RIN2: variants seen among roughly 807,000 people sequenced by gnomAD.
RIN2 encodes RAB5 interacting protein 2.
RIN2 carries 36 observed loss-of-function variants against 78.0 expected under a neutral mutation model. That is an observed-to-expected ratio of 0.46 (90% CI 0.35 to 0.61). The LOEUF is 0.61. RIN2 is among the 20% of genes least tolerant of loss of function. The pLI, the probability that RIN2 is intolerant of heterozygous loss-of-function variation, is 0.00. For synonymous variants in RIN2, 466 were observed against 466.8 expected, an observed-to-expected ratio of 1.00 and a Z score of 0.02; for missense variants, 1,087 against 1,159.7, an observed-to-expected ratio of 0.94 and a Z score of 0.91.
intron 2 of RIN2, among the ~76,000 whole-genome samples, chr20:19,811,032 C>T (rs763439100): frequency 3.9e-5 from 5 of 128,826 alleles, no homozygotes; most frequent in African/African-American, 1.6e-4. Context: ...TTTCAAATAA[C>T]GATTGTTTAA....
chr20:19,821,590 G>T (rs1328041448), intron 2 of RIN2, among the ~76,000 whole-genome samples: 2 of 152,040 alleles, frequency 1.3e-5, no homozygotes, highest in African/African-American at 4.8e-5. Flanking sequence ...GCAATAGTGG[G>T]CAGTATTGGA....
intron 9 of RIN2, among the ~76,000 whole-genome samples, chr20:19,987,035 GC>G (rs955691923): frequency 3.3e-5 from 5 of 152,198 alleles, no homozygotes; most frequent in Admixed American, 3.3e-4. Context: ...TAAACGAAAT[GC>G]TGTAGGAGAT....
At chr20:19,922,229 GT>G (rs138355812) in intron 3 of RIN2, among the ~76,000 whole-genome samples, 85 of 152,262 alleles carry the variant, frequency 5.6e-4, no homozygotes, top group African/African-American at 2.0e-3. Flanking sequence ...CCAATCAGGA[GT>G]GGGGAGCTAG....
At chr20:19,985,615 T>C (rs1046742188) in intron 9 of RIN2, among the ~76,000 whole-genome samples, 2 of 152,190 alleles carry the variant, frequency 1.3e-5, no homozygotes, top group Admixed American at 1.3e-4. Context: ...CTTATGCCTA[T>C]AATCCCAGTG....
At chr20:19,807,991 T>C (rs2035461361) in intron 2 of RIN2, among the ~76,000 whole-genome samples, 1 of 152,222 alleles carries the variant, frequency 6.6e-6, no homozygotes, top group African/African-American at 2.4e-5. Context: ...GGCATCACTG[T>C]TGTGTTCTTG....
intron 2 of RIN2, among the ~76,000 whole-genome samples, chr20:19,871,712 G>T (rs2037695108): frequency 6.6e-6 from 1 of 152,106 alleles, no homozygotes. Context: ...CACTTCTGTG[G>T]GGTCTCTACT....
chr20:19,795,343 G>T (rs12480956), intron 1 of RIN2, among the ~76,000 whole-genome samples: 36,513 of 152,054 alleles, frequency 0.24, 5,402 homozygotes, highest in African/African-American at 0.42. Context: ...TCAGTTTTGT[G>T]TCTATTTTTT....
intron 4 of RIN2, among the ~76,000 whole-genome samples, chr20:19,950,106 C>T (rs1183626038): frequency 6.6e-6 from 1 of 152,188 alleles, no homozygotes; most frequent in Non-Finnish European, 1.5e-5. Flanking sequence ...AGAGCCCTGC[C>T]CTTCCAAAGT....
At chr20:19,763,011 C>A (rs113593535) in intron 1 of RIN2, among the ~76,000 whole-genome samples, 7,408 of 152,180 alleles carry the variant, frequency 0.049, 435 homozygotes, top group African/African-American at 0.14. Flanking sequence ...GTAATCCACC[C>A]ACCTTGGCCT....
At chr20:19,760,385 A>T (rs750431529) in intron 1 of RIN2, among the ~76,000 whole-genome samples, 2 of 152,130 alleles carry the variant, frequency 1.3e-5, no homozygotes, top group Non-Finnish European at 2.9e-5. Context: ...CAGAGGAGGA[A>T]ACTGAAATAG....
intron 9 of RIN2, among the ~76,000 whole-genome samples, chr20:19,985,809 G>A (rs1271752531): frequency 1.3e-5 from 2 of 152,198 alleles, no homozygotes; most frequent in South Asian, 2.1e-4. Context: ...ACGCGTGCTT[G>A]TGGATGAATA....
rs34052004 is a variant in RIN2, at chr20:19,920,988, G to GTTTTT, written c.58-14109_58-14108insTTTTT. 3.3e-3 allele frequency among the ~76,000 whole-genome samples: 493 copies of GTTTTT among 151,608 alleles called. 3 individuals carry two copies. Among genetic ancestry groups the GTTTTT allele is most frequent in the African/African-American group, 0.012 (485 of 41,312 alleles). On this transcript the variant is annotated intron_variant, in intron 3 of 12. Transcript: ENST00000255006. ...ATGCCCAGCCGAAACAGTTTTTTGGGTTGTTTGTTTGTTTGTTTGTTTGTT... is the reference window on the plus strand; with the variant it reads ...ATGCCCAGCCGAAACAGTTTTTTGGGTTTTTTTGTTTGTTTGTTTGTTTGTTTGTT...
At chr20:19,760,071 A>G (rs2033573843) in intron 1 of RIN2, among the ~76,000 whole-genome samples, 1 of 152,198 alleles carries the variant, frequency 6.6e-6, no homozygotes, top group South Asian at 2.1e-4. Flanking sequence ...GTAGGAGGAT[A>G]TTGTCATAAG....
At chr20:19,995,313 C>T (rs2042925960) in intron 11 of RIN2, among the ~76,000 whole-genome samples, 1 of 149,024 alleles carries the variant, frequency 6.7e-6, no homozygotes, top group Admixed American at 6.7e-5. Flanking sequence ...AGAGTGGGGA[C>T]TCAGATTCTA....
intron 1 of RIN2, among the ~76,000 whole-genome samples, chr20:19,770,869 C>T (rs1375790646): frequency 4.5e-5 from 2 of 44,768 alleles, no homozygotes; most frequent in Non-Finnish European, 8.8e-5. Flanking sequence ...ACAAGACTGC[C>T]CCCACCCCCC....
intron 2 of RIN2, among the ~76,000 whole-genome samples, chr20:19,841,286 G>A (rs2036568523): frequency 6.6e-6 from 1 of 151,702 alleles, no homozygotes; most frequent in Admixed American, 6.6e-5. Context: ...CTCGGTGAAG[G>A]GTTTTTTCAA....
chr20:19,849,957 G>A (rs1283914159), intron 2 of RIN2, among the ~76,000 whole-genome samples: 1 of 152,096 alleles, frequency 6.6e-6, no homozygotes, highest in South Asian at 2.1e-4. Flanking sequence ...AAAGGAACAA[G>A]TTCCTTTCTC....
chr20:19,789,033 A>T (rs980648834), intron 1 of RIN2, among the ~76,000 whole-genome samples: 7 of 152,258 alleles, frequency 4.6e-5, no homozygotes, highest in Non-Finnish European at 8.8e-5. Flanking sequence ...AAGCTACATA[A>T]TGAAGACTGT....
chr20:19,982,664 C>T (rs2042495694), intron 9 of RIN2, among the ~76,000 whole-genome samples: 1 of 152,170 alleles, frequency 6.6e-6, no homozygotes, highest in South Asian at 2.1e-4. Context: ...GTTGTGGATG[C>T]CATTGTGCTG....
Sources: gnomAD v4.1 joint callset for allele counts (sites outside exome capture counted in the v4.1 genomes callset) on GRCh38, gnomAD v4.1.1 for gene constraint, MANE v1.5 for transcripts, NCBI Gene and HGNC (gene_info 2026-07-23, HGNC 2026-07-21) for gene names.